Variants in COL11A1 observed in about 807,000 individuals in gnomAD.
The protein encoded by COL11A1 is collagen alpha-1(XI) chain.
COL11A1 carries 74 observed loss-of-function variants against 265.2 expected under a neutral mutation model. That is an observed-to-expected ratio of 0.28 (90% confidence interval 0.23 to 0.34). The LOEUF (loss-of-function observed/expected upper bound fraction) is 0.34. Among genes scored for constraint, COL11A1 ranks in the 10% least tolerant of loss-of-function variants. The probability of loss-of-function intolerance (pLI) is 1.00; values close to 1 mark genes in which losing one functional copy is unlikely to be tolerated. For missense variants in COL11A1, 2,165 were observed against 2,263.6 expected (o/e 0.96, Z 0.88); for synonymous variants, 816 against 727.6 (o/e 1.12, Z -1.96).
intron 44 of COL11A1, among the ~76,000 whole-genome samples, chr1:102,936,535 T>C (rs1436387401): frequency 6.6e-6 from 1 of 152,134 alleles, no homozygotes; most frequent in African/African-American, 2.4e-5. Context: ...GTTCAAACTT[T>C]AAAGCAAAAA....
At chr1:102,989,755 A>G (rs1663942593) in intron 28 of COL11A1, among the ~76,000 whole-genome samples, 184 bp from the exon 29 acceptor site, 1 of 152,144 alleles carries the variant, frequency 6.6e-6, no homozygotes. Flanking sequence ...CCCCAATATC[A>G]TCTCATATTT....
At chr1:102,941,345 A>C (rs1570803284) in intron 42 of COL11A1, among the ~76,000 whole-genome samples, 1 of 152,092 alleles carries the variant, frequency 6.6e-6, no homozygotes, top group South Asian at 2.1e-4. Flanking sequence ...ACGTATTCTT[A>C]CTTCCTTCCA....
At chr1:103,092,846 T>G (rs1673435908) in intron 1 of COL11A1, among the ~76,000 whole-genome samples, 1 of 152,046 alleles carries the variant, frequency 6.6e-6, no homozygotes, top group South Asian at 2.1e-4. Flanking sequence ...CAGAGAAAAG[T>G]CATGACACAC....
chr1:103,026,507 A>C (rs1200956035), intron 5 of COL11A1, among the ~76,000 whole-genome samples, 175 bp from the exon 6 acceptor site: 1 of 152,202 alleles, frequency 6.6e-6, no homozygotes, highest in Non-Finnish European at 1.5e-5. Flanking sequence ...TACAGAGTAT[A>C]ATAACATAGG....
At chr1:102,921,751 T>A (rs745555598) in intron 47 of COL11A1, among the ~76,000 whole-genome samples, 180 bp from the exon 48 acceptor site, 12 of 152,234 alleles carry the variant, frequency 7.9e-5, no homozygotes, top group Non-Finnish European at 1.8e-4. Context: ...AATGAGCCTT[T>A]ACACATAGCT....
intron 7 of COL11A1, 145 bp from the exon 8 acceptor site, chr1:103,023,141 C>CA: frequency 1.3e-6 from 1 of 761,752 alleles, no homozygotes; most frequent in Non-Finnish European, 2.2e-6. Flanking sequence ...GGAAAGTAGG[C>CA]TTTCAGTATC....
At chr1:102,930,770 T>G (rs1049992987) in intron 46 of COL11A1, among the ~76,000 whole-genome samples, 106 of 151,768 alleles carry the variant, frequency 7.0e-4, no homozygotes, top group Middle Eastern at 3.4e-3. Context: ...CAATTTCAGA[T>G]CCTGTTATTG....
chr1:102,914,914 A>T (rs1401001651), intron 50 of COL11A1, 103 bp from the exon 51 acceptor site: 2 of 839,622 alleles, frequency 2.4e-6, no homozygotes, highest in South Asian at 1.8e-5. Context: ...GCCAGAATAT[A>T]TTTTTTTTTT....
chr1:102,910,890 AT>A (rs750081862), intron 54 of COL11A1, among the ~76,000 whole-genome samples: 2 of 152,138 alleles, frequency 1.3e-5, no homozygotes, highest in South Asian at 2.1e-4. Flanking sequence ...GATAAAAAAA[AT>A]GATTTCCTGT....
intron 53 of COL11A1, among the ~76,000 whole-genome samples, chr1:102,912,533 G>A (rs1003640760): frequency 2.6e-5 from 4 of 152,134 alleles, no homozygotes; most frequent in African/African-American, 7.2e-5. Flanking sequence ...TAATCATATG[G>A]TTAATAATTC....
At position 102,905,212 on chromosome 1, in the gene COL11A1, A is replaced by G. The variant is rs1190071170; in HGVS notation, c.4087-6218T>C. ...CACAGGAAAGGGAACATCACACACC[A>G]GGGACTGTTGTGGGGTGGGGGGAGG... On this transcript the variant is annotated intron_variant, in intron 54 of 66. Transcript: ENST00000370096. Among the ~76,000 whole-genome samples, 228 of 112,030 alleles carry G rather than the reference A, an allele frequency of 2.0e-3. 2 individuals carry two copies. The highest frequency in any genetic ancestry group is 2.7e-3 in the Non-Finnish European group (157 of 58,762). The allele number at this position is 112,030 out of a possible 152,430, so 73.5% of individuals were successfully genotyped here. A position where few individuals can be genotyped will look rare whatever the true frequency, so the allele number is the denominator to read the frequency against.
In COL11A1 at chr1:102,974,864, C is replaced by T; in HGVS notation, c.2774G>A (p.Gly925Asp). The T allele has an allele frequency of 6.2e-7, 1 of 1,613,462 alleles. No homozygotes were observed. The change falls in exon 36 of 67, where the codon GGT becomes GAT. Residue 925 changes from glycine (G) to aspartate (D), a missense_variant. By Grantham distance (94) the Gly-to-Asp change is moderately conservative. Coordinates refer to ENST00000370096, the MANE Select transcript of COL11A1 (RefSeq NM_001854.4). The stretch of plus-strand genomic sequence containing the variant: ...TTTTGGTCCAGGGAATCCAACTGGA[C>T]CCTGAGGTCCTTGAGGACCCTGGAA... ...PGERGPQGPQGPVGFPGPKGP... is the reference protein window; with the variant it reads ...PGERGPQGPQDPVGFPGPKGP...
intron 43 of COL11A1, among the ~76,000 whole-genome samples, chr1:102,939,816 A>G (rs1448081795): frequency 1.3e-5 from 2 of 152,152 alleles, no homozygotes; most frequent in African/African-American, 2.4e-5. Flanking sequence ...AAAAATTTTT[A>G]AATAATATTT....
intron 37 of COL11A1, among the ~76,000 whole-genome samples, chr1:102,967,227 CTTTTTTTTTTT>C (rs35303945): frequency 6.3e-4 from 33 of 52,760 alleles, no homozygotes; most frequent in South Asian, 1.1e-3. Flanking sequence ...ATAATAAATT[CTTTTTTTTTTT>C]TTTTTTTTTT....
At chr1:103,070,865 A>G (rs1168168945) in intron 4 of COL11A1, among the ~76,000 whole-genome samples, 4 of 151,950 alleles carry the variant, frequency 2.6e-5, no homozygotes, top group Non-Finnish European at 5.9e-5. Context: ...TGTATATTGG[A>G]TAATATATGC....
chr1:103,103,252 C>G lies in COL11A1; in HGVS notation c.106+4821G>C, dbSNP rs187347240. On this transcript the variant is annotated intron_variant, in intron 1 of 66. Transcript: ENST00000370096. ...TAATAAAAGTCATACTATATGTATACATAAAATATATGTCATCCAATCAAT... is the reference window on the plus strand; with the variant it reads ...TAATAAAAGTCATACTATATGTATAGATAAAATATATGTCATCCAATCAAT... Among the ~76,000 whole-genome samples the G allele has an allele frequency of 3.3e-5, 5 of 151,986 alleles. No individual in the cohort carries two copies. In the East Asian group the frequency reaches 9.7e-4, roughly 29 times the overall value.
intron 62 of COL11A1, among the ~76,000 whole-genome samples, chr1:102,888,279 C>T (rs1651260543): frequency 2.0e-5 from 3 of 152,112 alleles, no homozygotes; most frequent in Admixed American, 2.0e-4. Flanking sequence ...AAAAATGTAT[C>T]TTTACGGCAT....
In COL11A1 at chr1:103,022,997, C is replaced by T; in HGVS notation, c.991-1G>A. On this transcript the variant is annotated splice_acceptor_variant, in intron 7 of 66. Coordinates refer to ENST00000370096, the MANE Select transcript of COL11A1 (RefSeq NM_001854.4). LOFTEE classifies it high-confidence loss of function. The stretch of plus-strand genomic sequence containing the variant: ...TAAATATTTCTTCAACTGGATTTGG[C>T]TATTAATTTAAATTGCAAGGAATTG... The T allele has an allele frequency of 6.2e-7, 1 of 1,611,574 alleles. No individual in the cohort carries two copies. Among genetic ancestry groups the T allele is most frequent in the Non-Finnish European group, 8.5e-7 (1 of 1,178,842 alleles).
At chr1:103,048,941 T>C (rs1196574676) in intron 4 of COL11A1, among the ~76,000 whole-genome samples, 1 of 152,230 alleles carries the variant, frequency 6.6e-6, no homozygotes, top group South Asian at 2.1e-4. Context: ...GGTTCTAGTT[T>C]GATTGCACTG....
Sources: gnomAD v4.1 joint callset for allele counts (sites outside exome capture counted in the v4.1 genomes callset) on GRCh38, gnomAD v4.1.1 for gene constraint, MANE v1.5 for transcripts, NCBI Gene and HGNC (gene_info 2026-07-23, HGNC 2026-07-21) for gene names.